Variants in TMEM117 observed in about 807,000 individuals in gnomAD.
The protein encoded by TMEM117 is transmembrane protein 117.
TMEM117 carries 27 observed loss-of-function variants against 52.4 expected under a neutral mutation model. That is an observed-to-expected ratio of 0.51 (90% CI 0.38 to 0.71). The LOEUF is 0.71. TMEM117 is among the 30% of genes least tolerant of loss of function. The pLI, the probability that TMEM117 is intolerant of heterozygous loss-of-function variation, is 0.00. For synonymous variants in TMEM117, 215 were observed against 206.3 expected, an observed-to-expected ratio of 1.04 and a Z score of -0.36; for missense variants, 556 against 630.5, an observed-to-expected ratio of 0.88 and a Z score of 1.26.
chr12:43,921,346 C>T (rs1944690516), intron 2 of TMEM117, among the ~76,000 whole-genome samples: 1 of 152,112 alleles, frequency 6.6e-6, no homozygotes, highest in Admixed American at 6.6e-5. Context: ...TTCCAGTGTT[C>T]AGTTTCCTTT....
chr12:44,066,980 C>T (rs1947230600), intron 3 of TMEM117, among the ~76,000 whole-genome samples: 5 of 152,188 alleles, frequency 3.3e-5, no homozygotes, highest in Non-Finnish European at 5.9e-5. Flanking sequence ...ACTAAATTTA[C>T]GTAAAATTCT....
chr12:43,970,133 G>T lies in TMEM117; in HGVS notation c.410+25791G>T, dbSNP rs1052406277. ...TCCACATTGGATATGCAGGAGGCAG[G>T]TCTCGGTTATCACCGTCTTGGTTAT... On this transcript the variant is annotated intron_variant, in intron 3 of 7. Transcript: ENST00000266534. Among the ~76,000 whole-genome samples, 8 of 152,236 alleles carry T rather than the reference G, an allele frequency of 5.3e-5. No individual in the cohort carries two copies. The East Asian group carries it at 1.5e-3, about 29-fold the overall frequency.
chr12:43,944,465 G>A (rs1945097145), intron 3 of TMEM117, 123 bp downstream of exon 3: 1 of 923,562 alleles, frequency 1.1e-6, no homozygotes. Context: ...TAAGAAGAAG[G>A]AGTATTTTAT....
intron 3 of TMEM117, among the ~76,000 whole-genome samples, chr12:44,080,644 G>A (rs1947467099): frequency 6.6e-6 from 1 of 152,008 alleles, no homozygotes; most frequent in African/African-American, 2.4e-5. Flanking sequence ...ACCTGTTTTG[G>A]CATGGTCTGT....
At chr12:44,214,855 A>G (rs1198774297) in intron 5 of TMEM117, among the ~76,000 whole-genome samples, 1 of 152,142 alleles carries the variant, frequency 6.6e-6, no homozygotes, top group Non-Finnish European at 1.5e-5. Context: ...GAATATAGAA[A>G]TTATGTGGGA....
intron 3 of TMEM117, among the ~76,000 whole-genome samples, chr12:44,131,512 C>G (rs549189058): frequency 2.0e-5 from 3 of 152,162 alleles, no homozygotes; most frequent in Admixed American, 6.5e-5. Context: ...TTTGCTCATC[C>G]TCTTATTTAA....
chr12:44,140,238 G>T (rs1053691594), intron 3 of TMEM117, among the ~76,000 whole-genome samples: 1 of 152,202 alleles, frequency 6.6e-6, no homozygotes, highest in East Asian at 1.9e-4. Context: ...AGCTATAAAT[G>T]TAGCTGGAGA....
At chr12:44,376,553 T>C in intron 6 of TMEM117, 42 bp from the exon 7 acceptor site, 1 of 1,581,236 alleles carries the variant, frequency 6.3e-7, no homozygotes, top group Non-Finnish European at 8.6e-7. Context: ...TGCTTAGGAA[T>C]GAAACGAATC....
chr12:44,078,553 C>T (rs1947419917), intron 3 of TMEM117, among the ~76,000 whole-genome samples: 1 of 152,158 alleles, frequency 6.6e-6, no homozygotes, highest in Admixed American at 6.5e-5. Flanking sequence ...AGAGGAGGCA[C>T]TTTGGTGCTC....
At chr12:43,805,989 A>G in the TMEM117 span, 6 of 1,536,938 alleles carry the variant, frequency 3.9e-6, no homozygotes, top group African/African-American at 6.9e-5. Context: ...CGCTCCCCCG[A>G]ATTTCGGATC....
intron 2 of TMEM117, 26 bp from the exon 3 acceptor site, chr12:43,944,183 TA>T: frequency 1.3e-6 from 2 of 1,591,354 alleles, no homozygotes; most frequent in Non-Finnish European, 1.7e-6. Context: ...CAGTGTACAT[TA>T]ATTTTTAATA....
chr12:44,387,834 C>T (rs1008493432), intron 7 of TMEM117, among the ~76,000 whole-genome samples, 192 bp from the exon 8 acceptor site: 2 of 151,922 alleles, frequency 1.3e-5, no homozygotes, highest in African/African-American at 2.4e-5. Context: ...TTTCATATGC[C>T]CAGAATCCAT....
chr12:43,797,266 C>T, the TMEM117 span: 1 of 1,545,288 alleles, frequency 6.5e-7, no homozygotes, highest in African/African-American at 1.4e-5. Context: ...AATAAACAAA[C>T]TGAAAGTAAT....
chr12:44,179,220 A>G (rs1222689696), intron 4 of TMEM117, among the ~76,000 whole-genome samples: 2 of 152,048 alleles, frequency 1.3e-5, no homozygotes, highest in African/African-American at 4.8e-5. Context: ...GCTGCTATAT[A>G]TATATATACA....
chr12:43,943,772 C>G (rs959361383), intron 2 of TMEM117, among the ~76,000 whole-genome samples: 2 of 152,112 alleles, frequency 1.3e-5, no homozygotes, highest in African/African-American at 2.4e-5. Flanking sequence ...TAAGGTTGGC[C>G]TTGGTTTTAT....
the TMEM117 span, among the ~76,000 whole-genome samples, chr12:43,824,419 T>C: frequency 6.6e-6 from 1 of 152,202 alleles, no homozygotes; most frequent in Non-Finnish European, 1.5e-5. Context: ...TGAGTGCCGC[T>C]TCCAGGGTAG....
At chr12:43,994,934 T>A (rs1332898432) in intron 3 of TMEM117, among the ~76,000 whole-genome samples, 1 of 152,130 alleles carries the variant, frequency 6.6e-6, no homozygotes, top group Non-Finnish European at 1.5e-5. Flanking sequence ...CAATCTTATA[T>A]GTTAGAAGCA....
intron 3 of TMEM117, among the ~76,000 whole-genome samples, chr12:44,111,837 A>T (rs1336737385): frequency 7.8e-6 from 1 of 128,568 alleles, no homozygotes; most frequent in Non-Finnish European, 1.6e-5. Context: ...AATGTGTGGG[A>T]GTCTAAGTCT....
chr12:43,871,665 A>G (rs1462589493), intron 2 of TMEM117, among the ~76,000 whole-genome samples: 1 of 152,230 alleles, frequency 6.6e-6, no homozygotes, highest in Non-Finnish European at 1.5e-5. Flanking sequence ...GCAGTTTTGC[A>G]ATATTTGAGA....
Sources: allele counts gnomAD v4.1 joint callset (sites outside exome capture counted in the v4.1 genomes callset), GRCh38; gene constraint gnomAD v4.1.1; transcripts MANE v1.5; gene names NCBI Gene and HGNC (gene_info 2026-07-23, HGNC 2026-07-21).